Variants in SARDH observed in about 807,000 individuals in gnomAD.
SARDH encodes sarcosine dehydrogenase.
Under a neutral mutation model 109.1 loss-of-function variants are expected in SARDH, and 95 were observed. The ratio of observed to expected loss-of-function variants is 0.87; its 90% CI spans 0.74 to 1.03. The LOEUF (loss-of-function observed/expected upper bound fraction) is 1.03, where lower values mean the gene tolerates loss of function less well. Ranked by LOEUF, SARDH falls within the 50% of genes least tolerant of loss-of-function variation. SARDH has a pLI of 0.00. For synonymous variants in SARDH, 572 were observed against 534.8 expected (o/e 1.07, Z -0.96); for missense variants, 1,267 against 1,287.8 (o/e 0.98, Z 0.25).
chr9:133,664,493 C>T (rs551078021), intron 20 of SARDH, among the ~76,000 whole-genome samples: 1 of 152,330 alleles, frequency 6.6e-6, no homozygotes, highest in South Asian at 2.1e-4. Flanking sequence ...CCAGCAAGCG[C>T]TCGGGAGCCA....
chr9:133,732,682 T>C (rs1588459572), intron 2 of SARDH, 81 bp from the exon 3 acceptor site: 1 of 1,447,786 alleles, frequency 6.9e-7, no homozygotes, highest in African/African-American at 1.4e-5. Flanking sequence ...GGGGATACCC[T>C]GATATTCAAC....
chr9:133,659,620 C>A (rs988280902), downstream of SARDH, among the ~76,000 whole-genome samples: 2 of 152,190 alleles, frequency 1.3e-5, no homozygotes. Flanking sequence ...GGATGGGCCT[C>A]GGAGTCCCCT....
chr9:133,730,396 T>G (rs1461762529), intron 4 of SARDH, among the ~76,000 whole-genome samples: 5 of 151,882 alleles, frequency 3.3e-5, no homozygotes, highest in African/African-American at 7.3e-5. Flanking sequence ...AACTTGAAAG[T>G]TGGGCAAGTT....
rs928468900 is a variant in SARDH at position 133,692,646 on chromosome 9, C to T, written c.1921+1612G>A. Reference sequence around the variant, plus strand: ...CCCTCCAGGTGTTACGGGGCCCTTCCTGCCCCCGTCTGGACATACAGCCCA... The same window carrying T: ...CCCTCCAGGTGTTACGGGGCCCTTCTTGCCCCCGTCTGGACATACAGCCCA... On this transcript the variant is annotated intron_variant, in intron 15 of 20. Transcript: ENST00000439388. This position sits in a 1 kb window ranked among gnomAD's most constrained non-coding sequence, Gnocchi z 5.0. Among the ~76,000 whole-genome samples the T allele has an allele frequency of 5.3e-5, 8 of 152,164 alleles. No homozygotes were observed. Among genetic ancestry groups the T allele is most frequent in the African/African-American group, 1.9e-4 (8 of 41,438 alleles).
downstream of SARDH, among the ~76,000 whole-genome samples, chr9:133,661,347 A>AAC (rs1832410933): frequency 2.0e-5 from 3 of 150,696 alleles, no homozygotes; most frequent in Middle Eastern, 3.2e-3. Flanking sequence ...CTCAAAAAAA[A>AAC]AACAACAACA....
chr9:133,734,371 A>ATTCATTCACTCATTCC (rs1483770551), intron 1 of SARDH, among the ~76,000 whole-genome samples, 168 bp from the exon 2 acceptor site: 2 of 152,138 alleles, frequency 1.3e-5, no homozygotes, highest in African/African-American at 2.4e-5. Context: ...TCACTCATTC[A>ATTCATTCACTCATTCC]TTCATTCACT....
intron 6 of SARDH, among the ~76,000 whole-genome samples, chr9:133,726,991 T>G (rs111240123): frequency 0.052 from 7,877 of 152,180 alleles, 269 homozygotes; most frequent in Middle Eastern, 0.085. Context: ...GGTGACAGAC[T>G]TGGCCAGCCT....
Position 133,701,887 on chromosome 9 carries a change from T to C in SARDH, c.1668+1029A>G, listed in dbSNP as rs183942091. 2.4e-3 allele frequency among the ~76,000 whole-genome samples: 364 copies of C among 152,324 alleles called. 11 individuals carry two copies. Among genetic ancestry groups the C allele is most frequent in the Middle Eastern group, 3.4e-3 (1 of 294 alleles). ...CCCAGTGCGGGACCCAGTGGGGACC[T>C]TGCTCAAAGACCATGAAGAGTCTCA... is the stretch of plus-strand genomic sequence containing the variant. On this transcript the variant is annotated intron_variant, in intron 13 of 20. Transcript: ENST00000439388.
At chr9:133,687,905 A>AT (rs1830941219) in intron 16 of SARDH, among the ~76,000 whole-genome samples, 1 of 152,180 alleles carries the variant, frequency 6.6e-6, no homozygotes, top group Non-Finnish European at 1.5e-5. Flanking sequence ...AAGTTAAGAA[A>AT]TTACCAGGAG....
rs776869789 is a variant in SARDH, at chr9:133,719,110, G to A, written c.916-68C>T. On this transcript the variant is annotated intron_variant, in intron 6 of 20. Transcript: ENST00000439388. ...GTGGGGACTTGGTTCCCCATGCCCCGTGGTGGGCCAGCACCTCCACCCAGG... is the reference window on the plus strand; with the variant it reads ...GTGGGGACTTGGTTCCCCATGCCCCATGGTGGGCCAGCACCTCCACCCAGG... The A allele has an allele frequency of 2.1e-5, 29 of 1,360,086 alleles. 1 individual carries two copies. Among genetic ancestry groups the A allele is most frequent in the East Asian group, 1.2e-4 (5 of 43,420 alleles). The allele number at this position is 1,360,086 out of a possible 1,614,324, so 84.3% of individuals were successfully genotyped here. A position where few individuals can be genotyped will look rare whatever the true frequency, so the allele number is the denominator to read the frequency against.
At chr9:133,734,364 CTCATTCATTCATTCACTCAT>C (rs1832797547) in intron 1 of SARDH, among the ~76,000 whole-genome samples, 161 bp from the exon 2 acceptor site, 1 of 147,376 alleles carries the variant, frequency 6.8e-6, no homozygotes, top group South Asian at 2.1e-4. Context: ...CATTCATTCA[CTCATTCATTCATTCACTCAT>C]TCATTCATTC....
chr9:133,683,722 C>A (rs188254034), intron 17 of SARDH, among the ~76,000 whole-genome samples: 51 of 152,332 alleles, frequency 3.3e-4, no homozygotes, highest in African/African-American at 1.2e-3. Flanking sequence ...ACAGTCATCG[C>A]CAGATTGTTT....
Position 133,725,830 on chromosome 9 carries a change from G to T in SARDH, c.915+3935C>A, listed in dbSNP as rs118055008. 1.2e-4 allele frequency among the ~76,000 whole-genome samples: 18 copies of T among 152,250 alleles called. No individual in the cohort carries two copies. In the East Asian group the frequency reaches 2.7e-3, roughly 23 times the overall value. On this transcript the variant is annotated intron_variant, in intron 6 of 20. Coordinates refer to ENST00000439388, the MANE Select transcript of SARDH (RefSeq NM_001134707.2). ...ATGGCGTGTGGACTCCTCTGTACCC[G>T]AGGAACAGCCTTCTCTCAATCCCTC...
intron 19 of SARDH, among the ~76,000 whole-genome samples, chr9:133,667,690 T>C (rs1175202069): frequency 2.6e-5 from 4 of 152,066 alleles, no homozygotes; most frequent in African/African-American, 7.2e-5. Flanking sequence ...GCGGCAGCTA[T>C]GCAAAGGGGT....
Position 133,674,995 on chromosome 9 carries a change from A to T in SARDH, c.2164-3298T>A, listed in dbSNP as rs374493560. ...CATATGATAAGGGCCTTCTACCCAG[A>T]CAGAACAAAGAACTCCTACAACTTA... On this transcript the variant is annotated intron_variant, in intron 17 of 20. Coordinates refer to ENST00000439388, the MANE Select transcript of SARDH (RefSeq NM_001134707.2). Among the ~76,000 whole-genome samples the T allele has an allele frequency of 3.1e-4, 47 of 152,326 alleles. No individual in the cohort carries two copies. In the South Asian group the frequency reaches 7.0e-3, roughly 23 times the overall value.
chr9:133,663,987 C>T lies in SARDH; in HGVS notation c.2659G>A (p.Asp887Asn). Residue 887 changes from aspartate (D) to asparagine (N), a missense_variant, in exon 21 of 21, where the codon GAC becomes AAC. Coordinates refer to ENST00000439388, the MANE Select transcript of SARDH (RefSeq NM_001134707.2). ...ACCCCCATTCTCTCCAGGGCATAGTCCCCGCTCTTCACAAAGTCCAGCGAG... is the reference window on the plus strand; with the variant it reads ...ACCCCCATTCTCTCCAGGGCATAGTTCCCGCTCTTCACAAAGTCCAGCGAG... ...PVSLDFVKSG[D>N]YALERMGVTY... 1.2e-6 allele frequency: 2 copies of T among 1,614,156 alleles called. No individual in the cohort carries two copies. Among genetic ancestry groups the T allele is most frequent in the Non-Finnish European group, 1.7e-6 (2 of 1,179,998 alleles).
chr9:133,699,667 C>T (rs1831410519), intron 13 of SARDH, among the ~76,000 whole-genome samples: 1 of 152,126 alleles, frequency 6.6e-6, no homozygotes, highest in Non-Finnish European at 1.5e-5. Flanking sequence ...CAAAACCACA[C>T]TGAAATGCCA....
At chr9:133,726,667 G>T (rs911649976) in intron 6 of SARDH, among the ~76,000 whole-genome samples, 1 of 152,130 alleles carries the variant, frequency 6.6e-6, no homozygotes, top group African/African-American at 2.4e-5. Context: ...TCCTGCTCTG[G>T]CTGTCCCCAG....
chr9:133,739,104 A>G (rs1395607559), upstream of SARDH, among the ~76,000 whole-genome samples: 4 of 152,174 alleles, frequency 2.6e-5, no homozygotes, highest in Non-Finnish European at 5.9e-5. Context: ...CCCAGACAGA[A>G]GTAGACACCC....
Sources: allele counts gnomAD v4.1 joint callset (sites outside exome capture counted in the v4.1 genomes callset), GRCh38; gene constraint gnomAD v4.1.1; non-coding constraint Gnocchi (gnomAD v3.1); transcripts MANE v1.5; gene names NCBI Gene and HGNC (gene_info 2026-07-23, HGNC 2026-07-21).